Variants in ITGA3 observed in about 807,000 individuals in gnomAD.
The protein encoded by ITGA3 is integrin subunit alpha 3.
ITGA3 carries 70 observed loss-of-function variants against 131.1 expected under a neutral mutation model. The ratio of observed to expected loss-of-function variants is 0.53; its 90% CI spans 0.44 to 0.65. The LOEUF (loss-of-function observed/expected upper bound fraction) is 0.65, where lower values mean the gene tolerates loss of function less well. Ranked by LOEUF, ITGA3 falls within the 30% of genes least tolerant of loss-of-function variation. The pLI, the probability that ITGA3 is intolerant of heterozygous loss-of-function variation, is 0.00. For synonymous variants in ITGA3, 537 were observed against 571.6 expected (o/e 0.94, Z 0.86); for missense variants, 1,098 against 1,388.6 (o/e 0.79, Z 3.33).
intron 4 of ITGA3, among the ~76,000 whole-genome samples, chr17:50,070,543 G>A (rs972772291): frequency 1.3e-5 from 2 of 150,630 alleles, no homozygotes; most frequent in Non-Finnish European, 2.9e-5. Context: ...CTACTCGGGA[G>A]GCTGAGGCAG....
At chr17:50,077,551 C>CGAA (rs1908973890) in intron 16 of ITGA3, 104 bp downstream of exon 16, 1 of 911,026 alleles carries the variant, frequency 1.1e-6, no homozygotes, top group Admixed American at 1.9e-5. Context: ...TGGGCTCCCT[C>CGAA]GAAGTGGAGA....
At position 50,075,682 on chromosome 17, in the gene ITGA3, G is replaced by A. The variant is rs775389411; in HGVS notation, c.1621G>A (p.Gly541Ser). 2 of 1,614,178 alleles carry A rather than the reference G, an allele frequency of 1.2e-6. No individual in the cohort carries two copies. Among genetic ancestry groups the A allele is most frequent in the Admixed American group, 1.7e-5 (1 of 60,028 alleles). Residue 541 changes from glycine to serine, a missense_variant, in exon 12 of 26, where the codon GGC (glycine) becomes AGC (serine). Gly to Ser is a moderately conservative substitution (Grantham distance 56, BLOSUM62 0). This residue lies in a region of ITGA3 where 699 missense variants were observed against 829.2 expected (regional missense o/e 0.84). Transcript: ENST00000320031. ...FAGSESAVFH[G>S]FFSMPEMRCQ... ...CGGCAGTGAGTCCGCTGTCTTCCAC[G>A]GCTTCTTCTCCATGCCCGAGATGCG...
At chr17:50,075,383 C>A in intron 10 of ITGA3, 76 bp from the exon 11 acceptor site, 1 of 1,484,470 alleles carries the variant, frequency 6.7e-7, no homozygotes, top group South Asian at 1.1e-5. Context: ...TCCTTTTGCC[C>A]AGTACAGAGG....
intron 7 of ITGA3, 130 bp downstream of exon 7, chr17:50,072,312 T>C: frequency 1.2e-6 from 1 of 807,714 alleles, no homozygotes; most frequent in Non-Finnish European, 2.0e-6. Flanking sequence ...GGGCCGGACC[T>C]GGGGAGCTCG....
At position 50,068,102 on chromosome 17, in the gene ITGA3, A is replaced by T. The variant is rs761605539; in HGVS notation, c.461A>T (p.Asp154Val). 4.0e-5 allele frequency: 64 copies of T among 1,614,140 alleles called. No homozygotes were observed. Among genetic ancestry groups the T allele is most frequent in the Non-Finnish European group, 4.4e-5 (52 of 1,180,024 alleles). ...YTQVLWSGSE[D>V]QRRMVGKCYV... ...CAGGTGCTGTGGTCAGGGTCAGAAG[A>T]CCAGCGGCGCATGGTGGGCAAGTGC... is the stretch of plus-strand genomic sequence containing the variant. Residue 154 changes from aspartate to valine, a missense_variant, in exon 4 of 26, where the codon GAC becomes GTC. By Grantham distance (152) the Asp-to-Val change is radical. This residue lies in a region of ITGA3 where 356 missense variants were observed against 529.2 expected (regional missense o/e 0.67). Transcript: ENST00000320031.
At chr17:50,058,270 A>C (rs574223276) in intron 1 of ITGA3, among the ~76,000 whole-genome samples, 1 of 152,328 alleles carries the variant, frequency 6.6e-6, no homozygotes, top group South Asian at 2.1e-4. Context: ...TTGATATGGT[A>C]GAGGGAGAAG....
Position 50,076,652 on chromosome 17 carries a change from C to A in ITGA3, c.1893C>A (p.Phe631Leu), listed in dbSNP as rs776971185. 1.2e-5 allele frequency: 19 copies of A among 1,613,202 alleles called. No homozygotes were observed. In the South Asian group the frequency reaches 2.1e-4, roughly 18 times the overall value. ...GCAACTTGCAGATGCGGGCAGCCTTCGTGTCAGAGCAGCAGCAGAAGCTGA... is the reference window on the plus strand; with the variant it reads ...GCAACTTGCAGATGCGGGCAGCCTTAGTGTCAGAGCAGCAGCAGAAGCTGA... ...CESNLQMRAA[F>L]VSEQQQKLSR... is the part of the protein sequence containing the mutation. The change falls in exon 14 of 26, where the codon TTC (phenylalanine) becomes TTA (leucine). Residue 631 changes from phenylalanine to leucine, a missense_variant. By Grantham distance (22) the Phe-to-Leu change is conservative (BLOSUM62 0). Coordinates refer to ENST00000320031, the MANE Select transcript of ITGA3 (RefSeq NM_002204.4).
At chr17:50,088,998 A>G (rs1040100677) in intron 25 of ITGA3, 112 bp from the exon 26 acceptor site, 7 of 786,830 alleles carry the variant, frequency 8.9e-6, no homozygotes, top group Non-Finnish European at 1.3e-5. Flanking sequence ...CGTTTCGGTC[A>G]AGAGTTCTGG....
rs2144328664 is a variant in ITGA3 at position 50,089,601 on chromosome 17, G to A, written c.*523G>A. On this transcript the variant is annotated 3_prime_UTR_variant, in exon 26 of 26. Coordinates refer to ENST00000320031, the MANE Select transcript of ITGA3 (RefSeq NM_002204.4). ...TGCCAGCGCCAAAACAAGCCAAAGAGCCTCCCACCAGAGCCGGGAGGAAAA... is the reference window on the plus strand; with the variant it reads ...TGCCAGCGCCAAAACAAGCCAAAGAACCTCCCACCAGAGCCGGGAGGAAAA... The A allele has an allele frequency of 3.7e-6, 1 of 267,580 alleles. No individual in the cohort carries two copies. Among genetic ancestry groups the A allele is most frequent in the South Asian group, 8.0e-5 (1 of 12,494 alleles). The allele number at this position is 267,580 out of a possible 1,614,324, so 16.6% of individuals were successfully genotyped here. A position where few individuals can be genotyped will look rare whatever the true frequency, so the allele number is the denominator to read the frequency against.
chr17:50,075,594 T>G lies in ITGA3; in HGVS notation c.1538-5T>G. 6.2e-7 allele frequency: 1 copy of G among 1,614,260 alleles called. No homozygotes were observed. The highest frequency in any genetic ancestry group is 8.5e-7 in the Non-Finnish European group (1 of 1,180,044). On this transcript the variant is annotated splice_region_variant and splice_polypyrimidine_tract_variant and intron_variant, in intron 11 of 25. Transcript: ENST00000320031. ...CCCCTTGCTGACCACCCTGTCTACC[T>G]GTAGCCCTGGCCTACACTCTGGAGG...
chr17:50,077,514 C>T (rs985393868), intron 16 of ITGA3, 67 bp downstream of exon 16: 8 of 1,243,238 alleles, frequency 6.4e-6, no homozygotes, highest in Non-Finnish European at 9.4e-6. Context: ...AGCTCCTTGT[C>T]CTTCCAGCCT....
intron 6 of ITGA3, 111 bp downstream of exon 6, chr17:50,071,629 G>A: frequency 9.6e-7 from 1 of 1,038,834 alleles, no homozygotes; most frequent in East Asian, 2.6e-5. Flanking sequence ...CTGTCTGCAT[G>A]TTGTTTGCAG....
chr17:50,072,224 C>T (rs775258042), intron 7 of ITGA3, 42 bp downstream of exon 7: 98 of 1,543,968 alleles, frequency 6.3e-5, no homozygotes, highest in South Asian at 2.7e-4. Context: ...TCCTCCAGCA[C>T]CCCTCCTCCC....
chr17:50,076,995 C>T lies in ITGA3; in HGVS notation c.1944C>T (p.Val648=), dbSNP rs761481942. 3 of 1,610,618 alleles carry T rather than the reference C, an allele frequency of 1.9e-6. No individual in the cohort carries two copies. The highest frequency in any genetic ancestry group is 1.1e-5 in the South Asian group (1 of 90,890). The stretch of plus-strand genomic sequence containing the variant: ...TCAGGCTCCAGTACAGCAGAGACGT[C>T]CGGAAATTGCTCCTGAGCATCAACG... ...KLSRLQYSRD[V]RKLLLSINVT... The change falls in exon 15 of 26, where the codon GTC becomes GTT. Residue 648 remains valine (V), a synonymous_variant. Transcript: ENST00000320031.
At chr17:50,084,755 C>CAA (rs200649430) in intron 23 of ITGA3, among the ~76,000 whole-genome samples, 1 of 151,716 alleles carries the variant, frequency 6.6e-6, no homozygotes, top group Non-Finnish European at 1.5e-5. Flanking sequence ...CCCATCTCTA[C>CAA]AAAAAAAATC....
intron 1 of ITGA3, among the ~76,000 whole-genome samples, chr17:50,062,976 A>G (rs908342142): frequency 2.0e-5 from 3 of 151,616 alleles, no homozygotes; most frequent in Non-Finnish European, 2.9e-5. Flanking sequence ...TGAGTTCTCA[A>G]ACTGGGGTGC....
chr17:50,066,607 T>C (rs1908360441), intron 3 of ITGA3, among the ~76,000 whole-genome samples: 1 of 152,060 alleles, frequency 6.6e-6, no homozygotes, highest in South Asian at 2.1e-4. Flanking sequence ...AAATTCCATC[T>C]CTACCAAAAA....
chr17:50,076,764 T>A, intron 14 of ITGA3, 83 bp downstream of exon 14: 1 of 1,305,860 alleles, frequency 7.7e-7, no homozygotes. Context: ...CGGGGCCTCA[T>A]GGCAAGGCGA....
rs763065952 is a variant in ITGA3 at position 50,078,196 on chromosome 17, T to C, written c.2220-11T>C. On this transcript the variant is annotated splice_polypyrimidine_tract_variant and intron_variant, in intron 17 of 25. Coordinates refer to ENST00000320031, the MANE Select transcript of ITGA3 (RefSeq NM_002204.4). Reference sequence around the variant, plus strand: ...TGGATCACCTTCCTAACCCCTGCATTTCCTCCCAAGGTCGAGTCACCAGGA... The same window carrying C: ...TGGATCACCTTCCTAACCCCTGCATCTCCTCCCAAGGTCGAGTCACCAGGA... 4.8e-5 allele frequency: 78 copies of C among 1,613,748 alleles called. No individual in the cohort carries two copies. The highest frequency in any genetic ancestry group is 6.3e-5 in the Non-Finnish European group (74 of 1,179,904).
Sources: allele counts gnomAD v4.1 joint callset (sites outside exome capture counted in the v4.1 genomes callset), GRCh38; gene constraint gnomAD v4.1.1; regional missense constraint gnomAD v4.1.1; transcripts MANE v1.5; gene names NCBI Gene and HGNC (gene_info 2026-07-23, HGNC 2026-07-21).